Variants in CDH18 observed in about 807,000 individuals in gnomAD.
The protein encoded by CDH18 is cadherin-18.
A neutral mutation model predicts 67.9 loss-of-function variants in CDH18; 31 were observed. The observed-to-expected ratio is 0.46, with a 90% CI of 0.34 to 0.62. The LOEUF (loss-of-function observed/expected upper bound fraction) is 0.62, where lower values mean the gene tolerates loss of function less well. CDH18 is among the 20% of genes least tolerant of loss of function. CDH18 has a pLI of 0.01. For synonymous variants in CDH18, 362 were observed against 347.2 expected (o/e 1.04, Z -0.48); for missense variants, 890 against 975.5 (o/e 0.91, Z 1.17).
At chr5:20,269,772 T>G (rs920713791) in intron 1 of CDH18, among the ~76,000 whole-genome samples, 1 of 152,088 alleles carries the variant, frequency 6.6e-6, no homozygotes, top group African/African-American at 2.4e-5. Flanking sequence ...ATGGGTACAA[T>G]GCACATTATC....
At chr5:19,807,300 C>A (rs1778139715) in intron 3 of CDH18, among the ~76,000 whole-genome samples, 1 of 151,896 alleles carries the variant, frequency 6.6e-6, no homozygotes, top group African/African-American at 2.4e-5. Context: ...CCTGCAGATC[C>A]TGCACATAAA....
intron 2 of CDH18, among the ~76,000 whole-genome samples, chr5:19,854,292 C>T (rs891909435): frequency 6.6e-6 from 1 of 152,030 alleles, no homozygotes; most frequent in Non-Finnish European, 1.5e-5. Flanking sequence ...GAGGTGTGAA[C>T]CCTTACACGG....
intron 2 of CDH18, among the ~76,000 whole-genome samples, chr5:19,889,471 G>A (rs1788561543): frequency 6.6e-6 from 1 of 151,674 alleles, no homozygotes; most frequent in Non-Finnish European, 1.5e-5. Context: ...ATTTTTATGA[G>A]TTTTGAATTT....
At chr5:20,260,855 T>C (rs1744598040) in intron 1 of CDH18, among the ~76,000 whole-genome samples, 1 of 152,204 alleles carries the variant, frequency 6.6e-6, no homozygotes, top group South Asian at 2.1e-4. Flanking sequence ...GGAAAACTAG[T>C]TCTACAACTG....
chr5:20,287,946 C>T (rs750333989), intron 1 of CDH18, among the ~76,000 whole-genome samples: 1 of 151,702 alleles, frequency 6.6e-6, no homozygotes. Context: ...CTGAAGCCCT[C>T]GTAGCAGTTT....
At chr5:19,976,387 G>A (rs1456629642) in intron 2 of CDH18, among the ~76,000 whole-genome samples, 4 of 151,722 alleles carry the variant, frequency 2.6e-5, no homozygotes, top group Non-Finnish European at 4.4e-5. Flanking sequence ...ACACAAACAC[G>A]CACATACACA....
intron 2 of CDH18, among the ~76,000 whole-genome samples, chr5:20,126,841 C>G (rs1219063342): frequency 1.3e-5 from 2 of 152,034 alleles, no homozygotes; most frequent in East Asian, 3.9e-4. Context: ...CAAATTGAAA[C>G]TTTTGTGCAC....
chr5:20,069,869 C>T (rs922434035), intron 2 of CDH18, among the ~76,000 whole-genome samples: 4 of 152,064 alleles, frequency 2.6e-5, no homozygotes, highest in African/African-American at 9.7e-5. Flanking sequence ...ATTGTTATAA[C>T]TGATAATCCT....
chr5:20,007,271 A>C (rs2150409787), intron 2 of CDH18, among the ~76,000 whole-genome samples: 1 of 152,184 alleles, frequency 6.6e-6, no homozygotes, highest in East Asian at 1.9e-4. Flanking sequence ...TGGATTATTC[A>C]ATTGATTATA....
chr5:19,923,200 C>T (rs2150174995), intron 2 of CDH18, among the ~76,000 whole-genome samples: 1 of 152,286 alleles, frequency 6.6e-6, no homozygotes, highest in Non-Finnish European at 1.5e-5. Context: ...AGTTTTCAAA[C>T]TATCTCAGCC....
intron 5 of CDH18, among the ~76,000 whole-genome samples, chr5:19,710,906 A>T (rs920027998): frequency 1.6e-4 from 24 of 152,252 alleles, no homozygotes; most frequent in African/African-American, 5.8e-4. Flanking sequence ...AAATAGACAC[A>T]TAGATCAAAG....
At chr5:19,907,011 GT>G (rs1320364189) in intron 2 of CDH18, among the ~76,000 whole-genome samples, 2 of 151,948 alleles carry the variant, frequency 1.3e-5, no homozygotes, top group Admixed American at 6.6e-5. Flanking sequence ...AAATAATAGT[GT>G]TTTGTCTACT....
rs765631058 is a variant in CDH18 at position 19,727,114 on chromosome 5, ACAAT to A, written c.524-5652_524-5649del. ...GTTATGTGAGCCCAAATAAACTAAG[ACAAT>A]CAATTAATCAATAAACAAAAAGTAA... On this transcript the variant is annotated intron_variant, in intron 4 of 12. Coordinates refer to ENST00000382275, the MANE Select transcript of CDH18 (RefSeq NM_004934.5). Among the ~76,000 whole-genome samples, 38 of 152,182 alleles carry A rather than the reference ACAAT, an allele frequency of 2.5e-4. 1 individual carries two copies. The highest frequency in any genetic ancestry group is 1.6e-4 in the Non-Finnish European group (11 of 68,022).
At chr5:20,541,103 G>C (rs565985436) in intron 1 of CDH18, among the ~76,000 whole-genome samples, 2 of 152,130 alleles carry the variant, frequency 1.3e-5, no homozygotes, top group South Asian at 4.1e-4. Flanking sequence ...AAGTGCAAAA[G>C]CAGGAATGAA....
At chr5:19,735,080 A>C (rs1036917371) in intron 4 of CDH18, among the ~76,000 whole-genome samples, 2 of 152,168 alleles carry the variant, frequency 1.3e-5, no homozygotes, top group African/African-American at 2.4e-5. Context: ...CAAAGCATCT[A>C]ACCAGGTAAA....
chr5:19,995,902 C>T (rs79928757), intron 2 of CDH18, among the ~76,000 whole-genome samples: 13,040 of 151,948 alleles, frequency 0.086, 601 homozygotes, highest in East Asian at 0.14. Flanking sequence ...AACATTTTGG[C>T]GCTATGTAAT....
intron 1 of CDH18, among the ~76,000 whole-genome samples, chr5:20,270,055 AC>A (rs1309507742): frequency 6.6e-6 from 1 of 152,108 alleles, no homozygotes; most frequent in Non-Finnish European, 1.5e-5. Context: ...GAATCATTAG[AC>A]AAGATGATGA....
chr5:19,543,416 TGTAA>T (rs1735749288), intron 9 of CDH18, among the ~76,000 whole-genome samples: 1 of 152,174 alleles, frequency 6.6e-6, no homozygotes, highest in Non-Finnish European at 1.5e-5. Flanking sequence ...ATTCTTTTAC[TGTAA>T]GTTCTATAAG....
At chr5:20,048,455 C>T (rs1741102141) in intron 2 of CDH18, among the ~76,000 whole-genome samples, 2 of 151,654 alleles carry the variant, frequency 1.3e-5, no homozygotes, top group Non-Finnish European at 3.0e-5. Flanking sequence ...ACATCTCTAC[C>T]TTTTCATTAA....
Sources: allele counts gnomAD v4.1 joint callset (sites outside exome capture counted in the v4.1 genomes callset), GRCh38; gene constraint gnomAD v4.1.1; transcripts MANE v1.5; gene names NCBI Gene and HGNC (gene_info 2026-07-23, HGNC 2026-07-21).